FER: variants seen among roughly 807,000 people sequenced by gnomAD.
FER encodes the protein tyrosine-protein kinase Fer.
In FER, 63 loss-of-function variants were observed where a neutral mutation model predicts 111.0. The observed-to-expected ratio is 0.57, with a 90% CI of 0.46 to 0.70. The LOEUF (loss-of-function observed/expected upper bound fraction) is 0.70, where lower values mean the gene tolerates loss of function less well. FER is among the 30% of genes least tolerant of loss of function. FER has a pLI of 0.00. For synonymous variants in FER, 327 were observed against 313.9 expected (o/e 1.04, Z -0.44); for missense variants, 914 against 954.0 (o/e 0.96, Z 0.55).
intron 17 of FER, among the ~76,000 whole-genome samples, chr5:109,119,632 G>T (rs1024209544): frequency 6.6e-6 from 1 of 152,104 alleles, no homozygotes; most frequent in Non-Finnish European, 1.5e-5. Context: ...TATTATTATT[G>T]TGTGGGAGTC....
At chr5:108,986,673 A>G (rs1478044186) in intron 13 of FER, among the ~76,000 whole-genome samples, 30 of 152,148 alleles carry the variant, frequency 2.0e-4, no homozygotes, top group Admixed American at 1.9e-3. Flanking sequence ...TGACTTTCCA[A>G]TTATTCCAGC....
intron 10 of FER, among the ~76,000 whole-genome samples, chr5:108,939,146 CTG>C (rs1198348222): frequency 6.6e-6 from 1 of 151,874 alleles, no homozygotes; most frequent in Admixed American, 6.6e-5. Context: ...TGTGCTGAAA[CTG>C]TTAAATTAAT....
At chr5:109,018,364 A>G (rs1294812339) in intron 13 of FER, among the ~76,000 whole-genome samples, 2 of 151,890 alleles carry the variant, frequency 1.3e-5, no homozygotes, top group East Asian at 1.9e-4. Flanking sequence ...CAATAATTCA[A>G]TATGGCTTTA....
At chr5:108,920,569 T>A (rs902739804) in intron 10 of FER, among the ~76,000 whole-genome samples, 39 of 152,256 alleles carry the variant, frequency 2.6e-4, no homozygotes, top group African/African-American at 9.4e-4. Flanking sequence ...GAATCACCCT[T>A]GTGTTCACTT....
At position 108,835,782 on chromosome 5, in the gene FER, G is replaced by A. The variant is rs55954478; in HGVS notation, c.456G>A (p.Glu152=). 0.077 allele frequency: 118,912 copies of A among 1,550,610 alleles called. 5,047 individuals carry two copies. The highest frequency in any genetic ancestry group is 0.11 in the Middle Eastern group (632 of 5,808). The part of the protein sequence containing the change: ...QLIKEMNSAK[E]KYKEALAKGK... Reference sequence around the variant, plus strand: ...TAAAAGAAATGAATTCTGCCAAAGAGAAATATAAAGAAGCTTTAGCTAAAG... The same window carrying A: ...TAAAAGAAATGAATTCTGCCAAAGAAAAATATAAAGAAGCTTTAGCTAAAG... The change falls in exon 5 of 20, where the codon GAG becomes GAA. Residue 152 remains glutamate (E), a synonymous_variant. Transcript: ENST00000281092.
chr5:109,010,006 CAG>C (rs1332434682), intron 13 of FER, among the ~76,000 whole-genome samples: 2 of 152,122 alleles, frequency 1.3e-5, no homozygotes, highest in Non-Finnish European at 2.9e-5. Context: ...AAGACTAACT[CAG>C]AGTCAAAATG....
chr5:109,131,190 T>G (rs1752320676), intron 17 of FER, among the ~76,000 whole-genome samples: 1 of 152,186 alleles, frequency 6.6e-6, no homozygotes, highest in Non-Finnish European at 1.5e-5. Context: ...TGTAGGATTA[T>G]TTAGCATTTA....
At chr5:108,998,622 G>A (rs1052231705) in intron 13 of FER, among the ~76,000 whole-genome samples, 7 of 152,086 alleles carry the variant, frequency 4.6e-5, no homozygotes, top group Non-Finnish European at 1.0e-4. Context: ...TTAATTTGAG[G>A]TATGTTCCAT....
intron 16 of FER, among the ~76,000 whole-genome samples, chr5:109,091,474 C>CT (rs1746750483): frequency 6.6e-6 from 1 of 152,162 alleles, no homozygotes; most frequent in Admixed American, 6.6e-5. Flanking sequence ...CCACGGAGAC[C>CT]CTCAGAGCCT....
At chr5:109,134,363 A>G (rs1201923972) in intron 17 of FER, among the ~76,000 whole-genome samples, 2 of 152,200 alleles carry the variant, frequency 1.3e-5, no homozygotes, top group African/African-American at 4.8e-5. Flanking sequence ...AATTTCCTTT[A>G]CAGTATTTAT....
At chr5:108,974,979 A>G (rs1259259406) in intron 13 of FER, among the ~76,000 whole-genome samples, 1 of 152,232 alleles carries the variant, frequency 6.6e-6, no homozygotes. Flanking sequence ...GTTTATTGCA[A>G]TAGCAAAGAC....
chr5:108,920,104 C>T (rs1182508074), intron 10 of FER, among the ~76,000 whole-genome samples: 1 of 151,844 alleles, frequency 6.6e-6, no homozygotes, highest in Non-Finnish European at 1.5e-5. Flanking sequence ...TTATGTAATA[C>T]CTGAAGGTAA....
At chr5:108,942,448 CTT>C (rs1561653892) in intron 10 of FER, among the ~76,000 whole-genome samples, 3 of 151,982 alleles carry the variant, frequency 2.0e-5, no homozygotes, top group Non-Finnish European at 4.4e-5. Flanking sequence ...GGTTTTCTTT[CTT>C]TTAATAAATA....
At chr5:108,857,283 G>C (rs1377866667) in intron 5 of FER, among the ~76,000 whole-genome samples, 2 of 152,046 alleles carry the variant, frequency 1.3e-5, no homozygotes, top group African/African-American at 4.8e-5. Flanking sequence ...TGACATTTTT[G>C]AGCAGTATAG....
chr5:108,855,589 C>T (rs1350410023), intron 5 of FER, among the ~76,000 whole-genome samples: 1 of 133,100 alleles, frequency 7.5e-6, no homozygotes, highest in Admixed American at 7.6e-5. Flanking sequence ...CCACTGCACT[C>T]CAGCGAAAAA....
intron 2 of FER, among the ~76,000 whole-genome samples, chr5:108,781,335 C>A (rs115242526): frequency 6.6e-6 from 1 of 152,034 alleles, no homozygotes; most frequent in Non-Finnish European, 1.5e-5. Context: ...GGATTACAGG[C>A]GCCTGCTTAC....
intron 6 of FER, among the ~76,000 whole-genome samples, chr5:108,869,552 G>A (rs563167344): frequency 2.3e-4 from 35 of 152,210 alleles, no homozygotes; most frequent in Non-Finnish European, 4.4e-4. Flanking sequence ...ATAAGAAGAC[G>A]GGAGGAAGGA....
chr5:108,754,232 G>A (rs565098160), intron 1 of FER, among the ~76,000 whole-genome samples: 1 of 151,822 alleles, frequency 6.6e-6, no homozygotes, highest in Non-Finnish European at 1.5e-5. Flanking sequence ...GTAACATAAC[G>A]AGACGGCACT....
At chr5:108,844,994 GTGTATATATATATATATATA>G (rs1761752243) in intron 5 of FER, among the ~76,000 whole-genome samples, 17 of 42,648 alleles carry the variant, frequency 4.0e-4, no homozygotes, top group African/African-American at 9.9e-4. Context: ...GTGTGTGTGT[GTGTATATATATATATATATA>G]TATATATATA....
Sources: gnomAD v4.1 joint callset for allele counts (sites outside exome capture counted in the v4.1 genomes callset) on GRCh38, gnomAD v4.1.1 for gene constraint, MANE v1.5 for transcripts, NCBI Gene and HGNC (gene_info 2026-07-23, HGNC 2026-07-21) for gene names.